Variants in PIEZO2 observed in about 807,000 individuals in gnomAD.
The protein encoded by PIEZO2 is piezo type mechanosensitive ion channel component 2, also known as piezo-type mechanosensitive ion channel component 2.
In PIEZO2, 172 loss-of-function variants were observed where a neutral mutation model predicts 337.3. The observed-to-expected ratio is 0.51, with a 90% CI of 0.45 to 0.58. The LOEUF is 0.58. Ranked by LOEUF, PIEZO2 falls within the 20% of genes least tolerant of loss-of-function variation. PIEZO2 has a pLI of 0.00. For missense variants in PIEZO2, 3,028 were observed against 3,391.3 expected (o/e 0.89, Z 2.66); for synonymous variants, 1,251 against 1,228.5 (o/e 1.02, Z -0.38).
At chr18:11,082,331 T>C (rs1382185266) in intron 1 of PIEZO2, among the ~76,000 whole-genome samples, 1 of 151,890 alleles carries the variant, frequency 6.6e-6, no homozygotes, top group Non-Finnish European at 1.5e-5. Flanking sequence ...TTCTTTTTTT[T>C]TTTTGAGACA....
chr18:11,141,874 C>G (rs560484534), intron 1 of PIEZO2, among the ~76,000 whole-genome samples: 1 of 152,270 alleles, frequency 6.6e-6, no homozygotes, highest in South Asian at 2.1e-4. Flanking sequence ...GAAGCTTCCC[C>G]CTCCAGGTGA....
chr18:11,123,117 C>T (rs2146203014), intron 1 of PIEZO2, among the ~76,000 whole-genome samples: 1 of 152,104 alleles, frequency 6.6e-6, no homozygotes, highest in Non-Finnish European at 1.5e-5. Context: ...ATTCTGACTC[C>T]TAAGAAACTC....
intron 30 of PIEZO2, among the ~76,000 whole-genome samples, chr18:10,744,799 A>G (rs1468957640): frequency 6.6e-6 from 1 of 152,070 alleles, no homozygotes; most frequent in Non-Finnish European, 1.5e-5. Flanking sequence ...GTGTCTCCAT[A>G]AATCTCCTCA....
chr18:10,975,239 G>A (rs889039692), intron 3 of PIEZO2, among the ~76,000 whole-genome samples: 4 of 152,152 alleles, frequency 2.6e-5, no homozygotes, highest in African/African-American at 9.7e-5. Context: ...AATCCAGACT[G>A]GCCTTCAAAT....
Position 10,726,969 on chromosome 18 carries a change from T to C in PIEZO2, c.5029+4438A>G. 7.5e-7 allele frequency: 1 copy of C among 1,326,308 alleles called. No homozygotes were observed. Among genetic ancestry groups the C allele is most frequent in the South Asian group, 1.5e-5 (1 of 68,844 alleles). 82.2% of individuals were successfully genotyped at this position (1,326,308 alleles called of 1,614,324 possible). On this transcript the variant is annotated intron_variant, in intron 36 of 55. Transcript: ENST00000674853. The surrounding 1 kb of genome is among the most constrained non-coding windows in gnomAD (Gnocchi z 5.9). ...GGTTGAGGGCTGCAGACAGAGGCCC[T>C]GGACAGAAGCTCCAGATAGGCCCCC...
At chr18:10,986,478 T>C (rs2034873732) in intron 2 of PIEZO2, among the ~76,000 whole-genome samples, 1 of 151,956 alleles carries the variant, frequency 6.6e-6, no homozygotes, top group Admixed American at 6.6e-5. Flanking sequence ...GAACGAGTGA[T>C]AAAAATCTCA....
chr18:11,132,201 G>C lies in PIEZO2; in HGVS notation c.64+16324C>G, dbSNP rs138740052. On this transcript the variant is annotated intron_variant, in intron 1 of 55. Transcript: ENST00000674853. This position sits in a 1 kb window ranked among gnomAD's most constrained non-coding sequence, Gnocchi z 4.7. ...TGCCTGTCCTGCATGCAATGCTTCT[G>C]CCAAGACTACCATCCATGGACTCAC... Among the ~76,000 whole-genome samples, 2,120 of 152,256 alleles carry C rather than the reference G, an allele frequency of 0.014. 36 individuals carry two copies. The highest frequency in any genetic ancestry group is 0.043 in the African/African-American group (1,766 of 41,548).
chr18:10,677,727 G>T lies in PIEZO2; in HGVS notation c.8081+20C>A. The T allele has an allele frequency of 6.2e-7, 1 of 1,604,856 alleles. No individual in the cohort carries two copies. The highest frequency in any genetic ancestry group is 8.5e-7 in the Non-Finnish European group (1 of 1,177,696). On this transcript the variant is annotated intron_variant, in intron 53 of 55. Coordinates refer to ENST00000674853, the MANE Select transcript of PIEZO2 (RefSeq NM_001378183.1). This position sits in a 1 kb window ranked among gnomAD's most constrained non-coding sequence, Gnocchi z 4.1. Reference sequence around the variant, plus strand: ...GCATATACCTAACAAAGCTCTATTAGTAGGAAAAAATACACTTACACTGGT... The same window carrying T: ...GCATATACCTAACAAAGCTCTATTATTAGGAAAAAATACACTTACACTGGT...
intron 3 of PIEZO2, among the ~76,000 whole-genome samples, chr18:10,967,485 C>G (rs1355222930): frequency 6.6e-6 from 1 of 152,160 alleles, no homozygotes; most frequent in Non-Finnish European, 1.5e-5. Flanking sequence ...ATTGCTGGAT[C>G]CAATGGTAGT....
At chr18:10,737,921 G>A (rs1460348924) in intron 33 of PIEZO2, 1 of 152,150 alleles carries the variant, frequency 6.6e-6, no homozygotes, top group African/African-American at 2.4e-5. Flanking sequence ...AAAATTAATT[G>A]CTTGAATATC....
chr18:10,675,954 T>G (rs1026004033), intron 53 of PIEZO2, among the ~76,000 whole-genome samples: 1 of 152,184 alleles, frequency 6.6e-6, no homozygotes, highest in Non-Finnish European at 1.5e-5. Flanking sequence ...TTGTGAGGCC[T>G]CCCCAGCCAT....
rs2584737 is a variant in PIEZO2, at chr18:11,031,801, A to G, written c.160+34326T>C. ...GAACTGGGACATTAAGGTATGGGGC[A>G]TGAGGTGTTGGCAAGCTCAGGGCAA... On this transcript the variant is annotated intron_variant, in intron 2 of 55. Coordinates refer to ENST00000674853, the MANE Select transcript of PIEZO2 (RefSeq NM_001378183.1). The surrounding 1 kb of genome is among the most constrained non-coding windows in gnomAD (Gnocchi z 4.7). Among the ~76,000 whole-genome samples the G allele has an allele frequency of 0.64, 96,598 of 151,952 alleles. 31,053 individuals carry two copies. The highest frequency in any genetic ancestry group is 0.72 in the African/African-American group (29,813 of 41,440).
chr18:10,807,063 A>T (rs2040022804), intron 8 of PIEZO2, 49 bp downstream of exon 8: 3 of 1,480,064 alleles, frequency 2.0e-6, no homozygotes, highest in Non-Finnish European at 2.7e-6. Context: ...TCACGTGGAG[A>T]TTCTAGGTTA....
intron 28 of PIEZO2, among the ~76,000 whole-genome samples, chr18:10,751,118 T>A (rs1258977226): frequency 2.0e-5 from 3 of 152,228 alleles, no homozygotes; most frequent in African/African-American, 7.2e-5. Flanking sequence ...GTAATAATTA[T>A]CATTAACCCA....
Position 11,009,824 on chromosome 18 carries a change from T to A in PIEZO2, c.161-30164A>T, listed in dbSNP as rs555864992. On this transcript the variant is annotated intron_variant, in intron 2 of 55. Coordinates refer to ENST00000674853, the MANE Select transcript of PIEZO2 (RefSeq NM_001378183.1). This position sits in a 1 kb window ranked among gnomAD's most constrained non-coding sequence, Gnocchi z 4.6. ...CGGTGTCCTTGTAAGAAGAGGAGAGTAGGACGCGGACAGGCACAGAAGGGA... is the reference window on the plus strand; with the variant it reads ...CGGTGTCCTTGTAAGAAGAGGAGAGAAGGACGCGGACAGGCACAGAAGGGA... Among the ~76,000 whole-genome samples, 3 of 150,736 alleles carry A rather than the reference T, an allele frequency of 2.0e-5. No homozygotes were observed. The East Asian group carries it at 5.9e-4, about 30-fold the overall frequency.
intron 3 of PIEZO2, among the ~76,000 whole-genome samples, chr18:10,928,189 G>A (rs1181180600): frequency 2.6e-5 from 4 of 152,194 alleles, no homozygotes; most frequent in Non-Finnish European, 1.5e-5. Context: ...GTAAGGGAAA[G>A]CGGGGGAGCT....
At chr18:10,851,999 A>G (rs2041568114) in intron 7 of PIEZO2, among the ~76,000 whole-genome samples, 1 of 152,212 alleles carries the variant, frequency 6.6e-6, no homozygotes, top group Non-Finnish European at 1.5e-5. Flanking sequence ...CTTCTGCCCT[A>G]CAGAGGATAT....
At chr18:11,041,221 T>C (rs1179256852) in intron 2 of PIEZO2, among the ~76,000 whole-genome samples, 3 of 152,226 alleles carry the variant, frequency 2.0e-5, no homozygotes, top group Non-Finnish European at 4.4e-5. Context: ...TAAACAGTCA[T>C]GTATTAATAT....
At chr18:10,689,472 C>T (rs1254808023) in intron 49 of PIEZO2, among the ~76,000 whole-genome samples, 183 bp downstream of exon 49, 2 of 108,784 alleles carry the variant, frequency 1.8e-5, no homozygotes, top group Non-Finnish European at 1.9e-5. Flanking sequence ...ATGCTATTGA[C>T]GACTATGACG....
Sources: allele counts gnomAD v4.1 joint callset (sites outside exome capture counted in the v4.1 genomes callset), GRCh38; gene constraint gnomAD v4.1.1; non-coding constraint Gnocchi (gnomAD v3.1); transcripts MANE v1.5; gene names NCBI Gene and HGNC (gene_info 2026-07-23, HGNC 2026-07-21).